Variants in GTF3C4 observed in about 807,000 individuals in gnomAD.
GTF3C4 encodes the protein general transcription factor IIIC subunit 4, also known as general transcription factor 3C polypeptide 4.
In GTF3C4, 28 loss-of-function variants were observed where a neutral mutation model predicts 67.5. The ratio of observed to expected loss-of-function variants is 0.41; its 90% CI spans 0.31 to 0.57. GTF3C4 has a LOEUF of 0.57. Ranked by LOEUF, GTF3C4 falls within the 20% of genes least tolerant of loss-of-function variation. The pLI is 0.21. For missense variants in GTF3C4, 831 were observed against 1,033.2 expected, an observed-to-expected ratio of 0.80 and a Z score of 2.68; for synonymous variants, 409 against 393.0, an observed-to-expected ratio of 1.04 and a Z score of -0.48.
At chr9:132,681,703 A>G (rs1382410298) in intron 2 of GTF3C4, among the ~76,000 whole-genome samples, 2 of 152,152 alleles carry the variant, frequency 1.3e-5, no homozygotes, top group Non-Finnish European at 2.9e-5. Context: ...AAGAACTAAT[A>G]TTTGCTGCTT....
rs462791 is a variant in GTF3C4 at position 132,689,347 on chromosome 9, T to C, written c.*402T>C. 80,579 of 171,562 alleles carry C rather than the reference T, an allele frequency of 0.47. 19,852 individuals carry two copies. The highest frequency in any genetic ancestry group is 0.61 in the African/African-American group (25,901 of 42,328). 10.6% of individuals were successfully genotyped at this position (171,562 alleles called of 1,614,324 possible). On this transcript the variant is annotated 3_prime_UTR_variant, in exon 5 of 5. Coordinates refer to ENST00000372146, the MANE Select transcript of GTF3C4 (RefSeq NM_012204.4). Reference sequence around the variant, plus strand: ...GGTTGAGTTAGGTTTTAATCCTTGCTTTGGTTTGGAACTGCCTTCGGGCTC... The same window carrying C: ...GGTTGAGTTAGGTTTTAATCCTTGCCTTGGTTTGGAACTGCCTTCGGGCTC...
intron 1 of GTF3C4, among the ~76,000 whole-genome samples, chr9:132,671,723 G>A (rs1835770397): frequency 6.6e-6 from 1 of 152,170 alleles, no homozygotes; most frequent in South Asian, 2.1e-4. Context: ...AACTGTCAGT[G>A]TATATTCATA....
chr9:132,670,385 C>T (rs1427314975), upstream of GTF3C4: 10 of 1,184,452 alleles, frequency 8.4e-6, no homozygotes, highest in Non-Finnish European at 1.1e-5. Flanking sequence ...CGGGGCTCCC[C>T]GCTCGCTGTC....
At chr9:132,682,991 C>G (rs575916) in intron 2 of GTF3C4, among the ~76,000 whole-genome samples, 72,304 of 151,986 alleles carry the variant, frequency 0.48, 17,957 homozygotes, top group African/African-American at 0.61. Flanking sequence ...CTCCCAGCTT[C>G]TTGCTCCTAT....
rs370795877 is a variant in GTF3C4 at position 132,688,957 on chromosome 9, C to T, written c.*12C>T. The T allele has an allele frequency of 1.0e-5, 16 of 1,593,456 alleles. No individual in the cohort carries two copies. The highest frequency in any genetic ancestry group is 5.4e-5 in the African/African-American group (4 of 74,438). Reference sequence around the variant, plus strand: ...CTCCTGTCTTCTAAATAATCAGTGACGGGAAGATGGAAGGGCATGATGAAC... The same window carrying T: ...CTCCTGTCTTCTAAATAATCAGTGATGGGAAGATGGAAGGGCATGATGAAC... On this transcript the variant is annotated 3_prime_UTR_variant, in exon 5 of 5. Coordinates refer to ENST00000372146, the MANE Select transcript of GTF3C4 (RefSeq NM_012204.4).
At position 132,678,832 on chromosome 9, in the gene GTF3C4, C is replaced by G. The variant is rs1205141984; in HGVS notation, c.1213C>G (p.Leu405Val). The change falls in exon 2 of 5, where the codon CTG becomes GTG. Residue 405 changes from leucine to valine, a missense_variant. Physicochemically the swap from Leu to Val is conservative, Grantham distance 32 (BLOSUM62 1). This residue lies in a region of GTF3C4 where 390 missense variants were observed against 540.3 expected (regional missense o/e 0.72). Coordinates refer to ENST00000372146, the MANE Select transcript of GTF3C4 (RefSeq NM_012204.4). This position sits in a 1 kb window ranked among gnomAD's most constrained non-coding sequence, Gnocchi z 6.5. ...CTCTTATGTATTTTGGTGTCTTCTT[C>G]TGATCTCCAAAGCAGGGCTGAATGT... ...RGSYVFWCLL[L>V]ISKAGLNVHN... The G allele has an allele frequency of 1.2e-6, 2 of 1,614,220 alleles. No individual in the cohort carries two copies. The highest frequency in any genetic ancestry group is 1.7e-6 in the Non-Finnish European group (2 of 1,180,046).
intron 4 of GTF3C4, among the ~76,000 whole-genome samples, chr9:132,687,975 C>T (rs559819107): frequency 3.9e-4 from 59 of 152,196 alleles, no homozygotes; most frequent in Non-Finnish European, 7.9e-4. Flanking sequence ...GGGGAATATT[C>T]TATTCTCAGC....
chr9:132,687,415 T>C (rs981456732), intron 4 of GTF3C4, 88 bp downstream of exon 4: 1 of 664,082 alleles, frequency 1.5e-6, no homozygotes, highest in South Asian at 1.5e-5. Context: ...CTAGTCACGC[T>C]CTACACTTCT....
In GTF3C4 at chr9:132,670,929, G is replaced by T. The variant is rs1333486710; in HGVS notation, c.331G>T (p.Ala111Ser). The T allele has an allele frequency of 6.2e-7, 1 of 1,611,050 alleles. No individual in the cohort carries two copies. The highest frequency in any genetic ancestry group is 8.5e-7 in the Non-Finnish European group (1 of 1,178,716). ...DLVIHRTSVP[A>S]PLNSCLLKVG... ...GGTTATCCACCGCACCTCGGTGCCC[G>T]CACCGCTCAACAGCTGTCTCCTCAA... Residue 111 changes from alanine to serine, a missense_variant, in exon 1 of 5, where the codon GCA (alanine) becomes TCA (serine). By Grantham distance (99) the Ala-to-Ser change is moderately conservative. Around this residue, in one of 4 missense-constraint regions of GTF3C4, gnomAD observed 237 missense variants for 212.7 expected, o/e 1.11. Coordinates refer to ENST00000372146, the MANE Select transcript of GTF3C4 (RefSeq NM_012204.4).
At chr9:132,674,422 A>G (rs1382210590) in intron 1 of GTF3C4, among the ~76,000 whole-genome samples, 1 of 152,222 alleles carries the variant, frequency 6.6e-6, no homozygotes, top group Admixed American at 6.5e-5. Context: ...CAAAACCCTA[A>G]GACTTTTTCC....
intron 2 of GTF3C4, 130 bp from the exon 3 acceptor site, chr9:132,683,433 C>T: frequency 1.3e-6 from 1 of 754,588 alleles, no homozygotes; most frequent in Non-Finnish European, 2.1e-6. Flanking sequence ...ATGCAAATCT[C>T]CTGTCTTCTG....
chr9:132,674,866 C>CA (rs1368223134), intron 1 of GTF3C4, among the ~76,000 whole-genome samples: 1 of 152,144 alleles, frequency 6.6e-6, no homozygotes, highest in African/African-American at 2.4e-5. Context: ...CGCATCTCTA[C>CA]AAAAAATTTT....
Position 132,688,948 on chromosome 9 carries a change from A to G in GTF3C4, c.*3A>G. 1 of 1,603,554 alleles carries G rather than the reference A, an allele frequency of 6.2e-7. No individual in the cohort carries two copies. The highest frequency in any genetic ancestry group is 1.3e-5 in the African/African-American group (1 of 74,786). On this transcript the variant is annotated 3_prime_UTR_variant, in exon 5 of 5. Transcript: ENST00000372146. Reference sequence around the variant, plus strand: ...TCTGTGATTCTCCTGTCTTCTAAATAATCAGTGACGGGAAGATGGAAGGGC... The same window carrying G: ...TCTGTGATTCTCCTGTCTTCTAAATGATCAGTGACGGGAAGATGGAAGGGC...
In GTF3C4 at chr9:132,670,971, C is replaced by T. The variant is rs1425718824; in HGVS notation, c.357+16C>T. ...TCTCCTCAAAGTAAGTCATCCCCCG[C>T]CATCCCTGGGGTCTTCCCCTGTCCC... On this transcript the variant is annotated intron_variant, in intron 1 of 4. Transcript: ENST00000372146. 4.5e-6 allele frequency: 7 copies of T among 1,547,934 alleles called. No individual in the cohort carries two copies. The highest frequency in any genetic ancestry group is 6.2e-6 in the Non-Finnish European group (7 of 1,121,710).
chr9:132,682,883 C>T (rs911548351), intron 2 of GTF3C4, among the ~76,000 whole-genome samples: 3 of 152,190 alleles, frequency 2.0e-5, no homozygotes, highest in African/African-American at 7.2e-5. Flanking sequence ...GGATTACAGG[C>T]ATGAGCCACT....
Position 132,678,086 on chromosome 9 carries a change from A to C in GTF3C4, c.467A>C (p.Lys156Thr). 1.2e-6 allele frequency: 2 copies of C among 1,614,228 alleles called. No homozygotes were observed. The highest frequency in any genetic ancestry group is 8.5e-7 in the Non-Finnish European group (1 of 1,180,044). ...MLDRVFNPEG[K>T]ALPPMRGFKY... is the part of the protein sequence containing the mutation. ...GATAGGGTGTTCAACCCTGAGGGGA[A>C]GGCTTTACCACCAATGAGAGGATTC... The change falls in exon 2 of 5, where the codon AAG becomes ACG. Residue 156 changes from lysine (K) to threonine (T), a missense_variant. Around this residue, in one of 4 missense-constraint regions of GTF3C4, gnomAD observed 390 missense variants for 540.3 expected, o/e 0.72. Transcript: ENST00000372146. The surrounding 1 kb of genome is among the most constrained non-coding windows in gnomAD (Gnocchi z 6.5).
rs566905449 is a variant in GTF3C4, at chr9:132,694,333, A to C, written c.*5388A>C. Reference sequence around the variant, plus strand: ...TCATGACGTGTAGAATGAGTGAGTAACTTCCTGCCTCATCAGGATGAAATG... The same window carrying C: ...TCATGACGTGTAGAATGAGTGAGTACCTTCCTGCCTCATCAGGATGAAATG... On this transcript the variant is annotated 3_prime_UTR_variant, in exon 5 of 5. Transcript: ENST00000372146. 35 of 152,282 alleles carry C rather than the reference A, an allele frequency of 2.3e-4. No homozygotes were observed. Among genetic ancestry groups the C allele is most frequent in the African/African-American group, 8.4e-4 (35 of 41,554 alleles). The allele number at this position is 152,282 out of a possible 1,614,324, so 9.4% of individuals were successfully genotyped here. A position where few individuals can be genotyped will look rare whatever the true frequency, so the allele number is the denominator to read the frequency against.
intron 4 of GTF3C4, 103 bp from the exon 5 acceptor site, chr9:132,688,778 T>C (rs1160983448): frequency 3.6e-6 from 3 of 824,396 alleles, no homozygotes; most frequent in Non-Finnish European, 6.5e-6. Context: ...ATTGCAGAGG[T>C]GGGACCAGAA....
At chr9:132,677,811 A>G (rs547349856) in intron 1 of GTF3C4, among the ~76,000 whole-genome samples, 166 bp from the exon 2 acceptor site, 1 of 152,332 alleles carries the variant, frequency 6.6e-6, no homozygotes, top group African/African-American at 2.4e-5. Flanking sequence ...GTTCAGGTAA[A>G]TGCTCTGTTG....
Sources: gnomAD v4.1 joint callset for allele counts (sites outside exome capture counted in the v4.1 genomes callset) on GRCh38, gnomAD v4.1.1 for gene constraint, gnomAD v4.1.1 regional missense constraint, Gnocchi (gnomAD v3.1) non-coding constraint, MANE v1.5 for transcripts, NCBI Gene and HGNC (gene_info 2026-07-23, HGNC 2026-07-21) for gene names.